MEDAG: variants seen among roughly 807,000 people sequenced by gnomAD.
The protein encoded by MEDAG is mesenteric estrogen dependent adipogenesis.
A neutral mutation model predicts 29.9 loss-of-function variants in MEDAG; 25 were observed. That is an observed-to-expected ratio of 0.84 (90% CI 0.61 to 1.17). The LOEUF is 1.17. Ranked by LOEUF, MEDAG falls within the 50% of genes most tolerant of loss-of-function variation. MEDAG has a pLI of 0.00. For missense variants in MEDAG, 398 were observed against 372.9 expected, an observed-to-expected ratio of 1.07 and a Z score of -0.56; for synonymous variants, 158 against 148.2, an observed-to-expected ratio of 1.07 and a Z score of -0.48.
rs999737739 is a variant in MEDAG at position 30,906,739 on chromosome 13, A to G, written c.224A>G (p.Asp75Gly). 1 of 1,513,800 alleles carries G rather than the reference A, an allele frequency of 6.6e-7. No individual in the cohort carries two copies. The highest frequency in any genetic ancestry group is 8.8e-7 in the Non-Finnish European group (1 of 1,140,562). The allele number at this position is 1,513,800 out of a possible 1,614,324, so 93.8% of individuals were successfully genotyped here. ...AARGGFNVFG[D>G]GLVRLDGQLY... is the part of the protein sequence containing the mutation. ...CGGGGGGGCTTCAACGTCTTCGGTG[A>G]CGGCCTCGTGCGCCTCGACGGGCAG... The change falls in exon 1 of 5, where the codon GAC (aspartate) becomes GGC (glycine). Residue 75 changes from aspartate to glycine, a missense_variant. Transcript: ENST00000380482.
At chr13:30,911,462 G>A (rs530730469) in intron 1 of MEDAG, among the ~76,000 whole-genome samples, 23 of 152,182 alleles carry the variant, frequency 1.5e-4, no homozygotes, top group African/African-American at 4.8e-4. Context: ...GCCTGCCTGC[G>A]TGCAGCCACC....
Position 30,906,699 on chromosome 13 carries a change from G to A in MEDAG, c.184G>A (p.Glu62Lys), listed in dbSNP as rs776372402. ...CCAGCTCGTGGTGGCCAGGCCCGGG[G>A]AGCCGGCGGCGGCGCGGGGGGGCTT... ...GDQLVVARPG[E>K]PAAARGGFNV... Residue 62 changes from glutamate to lysine, a missense_variant, in exon 1 of 5, where the codon GAG becomes AAG. By Grantham distance (56) the Glu-to-Lys change is moderately conservative. Transcript: ENST00000380482. 3 of 1,525,858 alleles carry A rather than the reference G, an allele frequency of 2.0e-6. No individual in the cohort carries two copies. Among genetic ancestry groups the A allele is most frequent in the South Asian group, 1.2e-5 (1 of 81,400 alleles). 94.5% of individuals were successfully genotyped at this position (1,525,858 alleles called of 1,614,324 possible).
intron 1 of MEDAG, among the ~76,000 whole-genome samples, chr13:30,910,077 C>T (rs150303015): frequency 1.5e-3 from 225 of 152,150 alleles, no homozygotes; most frequent in Non-Finnish European, 2.3e-3. Context: ...TCAGGATTTT[C>T]GCCCATGTTG....
chr13:30,921,892 AG>A (rs748625326), intron 4 of MEDAG, 46 bp downstream of exon 4: 7 of 1,529,414 alleles, frequency 4.6e-6, no homozygotes, highest in Non-Finnish European at 6.1e-6. Flanking sequence ...GTTAAATAAA[AG>A]GGTAGAGTAA....
chr13:30,911,394 C>A (rs1407995036), intron 1 of MEDAG, among the ~76,000 whole-genome samples: 1 of 152,076 alleles, frequency 6.6e-6, no homozygotes, highest in African/African-American at 2.4e-5. Context: ...GGACTTGCAG[C>A]CACACTTGGG....
chr13:30,914,160 G>A (rs1478774254), intron 1 of MEDAG, among the ~76,000 whole-genome samples: 1 of 152,158 alleles, frequency 6.6e-6, no homozygotes, highest in Admixed American at 6.5e-5. Context: ...TTAAATATCT[G>A]TGCACCTTAA....
chr13:30,906,912 G>A, intron 1 of MEDAG, 119 bp downstream of exon 1: 2 of 1,033,374 alleles, frequency 1.9e-6, no homozygotes, highest in Non-Finnish European at 2.6e-6. Context: ...GTGGCCCCTT[G>A]CTCCGTGCGC....
At chr13:30,921,933 AG>A in intron 4 of MEDAG, 87 bp downstream of exon 4, 6 of 1,361,386 alleles carry the variant, frequency 4.4e-6, no homozygotes, top group Non-Finnish European at 6.0e-6. Context: ...TTGATTCAAA[AG>A]GCAAGACCTA....
At position 30,924,364 on chromosome 13, in the gene MEDAG, G is replaced by C. The variant is rs771854199; in HGVS notation, c.841G>C (p.Glu281Gln). Residue 281 changes from glutamate (E) to glutamine (Q), a missense_variant, in exon 5 of 5, where the codon GAG becomes CAG. Glu to Gln is a conservative substitution (Grantham distance 29, BLOSUM62 2). Transcript: ENST00000380482. ...TCTGTCACCCAGATCATCTCTGACAGAGCCTCTTTTGGCAGAATTACCATT... is the reference window on the plus strand; with the variant it reads ...TCTGTCACCCAGATCATCTCTGACACAGCCTCTTTTGGCAGAATTACCATT... Reference protein sequence around the residue: ...CNLSPRSSLTEPLLAELPFPS... With the variant: ...CNLSPRSSLTQPLLAELPFPS... 6.8e-6 allele frequency: 11 copies of C among 1,614,040 alleles called. No homozygotes were observed. Among genetic ancestry groups the C allele is most frequent in the Non-Finnish European group, 9.3e-6 (11 of 1,179,964 alleles).
rs149352249 is a variant in MEDAG, at chr13:30,921,699, G to T, written c.640G>T (p.Val214Phe). ...CTATTGGTTTGGGCTCAGTAATTCCGTTGTAAAAGTAAATGGAAAAGTTCT... is the reference window on the plus strand; with the variant it reads ...CTATTGGTTTGGGCTCAGTAATTCCTTTGTAAAAGTAAATGGAAAAGTTCT... ...FFYWFGLSNS[V>F]VKVNGKVLNL... The change falls in exon 4 of 5, where the codon GTT (valine) becomes TTT (phenylalanine). Residue 214 changes from valine to phenylalanine, a missense_variant. Coordinates refer to ENST00000380482, the MANE Select transcript of MEDAG (RefSeq NM_032849.4). The T allele has an allele frequency of 6.2e-7, 1 of 1,613,922 alleles. No homozygotes were observed. Among genetic ancestry groups the T allele is most frequent in the Non-Finnish European group, 8.5e-7 (1 of 1,180,004 alleles).
At chr13:30,908,344 C>T (rs940251069) in intron 1 of MEDAG, among the ~76,000 whole-genome samples, 1 of 152,188 alleles carries the variant, frequency 6.6e-6, no homozygotes, top group East Asian at 1.9e-4. Flanking sequence ...ATAAGCAATA[C>T]TGTGAGGGCT....
At chr13:30,913,337 TC>T (rs1232166157) in intron 1 of MEDAG, among the ~76,000 whole-genome samples, 3 of 152,124 alleles carry the variant, frequency 2.0e-5, no homozygotes, top group Admixed American at 2.0e-4. Flanking sequence ...CACCTCAGCC[TC>T]CTGAGTTGCT....
rs376683172 is a variant in MEDAG at position 30,921,822 on chromosome 13, C to T, written c.763C>T (p.Arg255Ter). Residue 255 changes from arginine (R) to a stop codon, truncating the protein, a stop_gained, in exon 4 of 5, where the codon CGA (arginine) becomes TGA (stop). Transcript: ENST00000380482. LOFTEE classifies it high-confidence loss of function. ...AATCCGAAGGAGCAGTTTCTCTGAC[C>T]GAAAGTTCAGTGTAACTTCCAGAGG... is the stretch of plus-strand genomic sequence containing the variant. The part of the protein sequence containing the change: ...PLIRRSSFSD[R>*]KFSVTSRGSI... The T allele has an allele frequency of 1.1e-5, 18 of 1,608,180 alleles. No individual in the cohort carries two copies. Among genetic ancestry groups the T allele is most frequent in the East Asian group, 8.9e-5 (4 of 44,810 alleles).
intron 1 of MEDAG, among the ~76,000 whole-genome samples, chr13:30,912,046 G>A (rs1004380746): frequency 6.6e-6 from 1 of 152,112 alleles, no homozygotes; most frequent in South Asian, 2.1e-4. Flanking sequence ...TGTCCCCAGT[G>A]CCCAGCACAC....
In MEDAG at chr13:30,906,695, C is replaced by T. The variant is rs1006607551; in HGVS notation, c.180C>T (p.Pro60=). The T allele has an allele frequency of 1.0e-5, 16 of 1,526,808 alleles. No homozygotes were observed. The highest frequency in any genetic ancestry group is 1.9e-4 in the Middle Eastern group (1 of 5,200). The allele number at this position is 1,526,808 out of a possible 1,614,324, so 94.6% of individuals were successfully genotyped here. ...LSGDQLVVAR[P]GEPAAARGGF... ...GCGACCAGCTCGTGGTGGCCAGGCC[C>T]GGGGAGCCGGCGGCGGCGCGGGGGG... The change falls in exon 1 of 5, where the codon CCC becomes CCT. Residue 60 remains proline (P), a synonymous_variant. Coordinates refer to ENST00000380482, the MANE Select transcript of MEDAG (RefSeq NM_032849.4).
intron 1 of MEDAG, among the ~76,000 whole-genome samples, chr13:30,909,663 A>G (rs1952863559): frequency 6.6e-6 from 1 of 152,176 alleles, no homozygotes; most frequent in South Asian, 2.1e-4. Flanking sequence ...CTATTAATTA[A>G]TTAGTTCTTT....
In MEDAG at chr13:30,906,697, G is replaced by T; in HGVS notation, c.182G>T (p.Gly61Val). ...SGDQLVVARP[G>V]EPAAARGGFN... is the part of the protein sequence containing the mutation. ...GACCAGCTCGTGGTGGCCAGGCCCG[G>T]GGAGCCGGCGGCGGCGCGGGGGGGC... The change falls in exon 1 of 5, where the codon GGG (glycine) becomes GTG (valine). Residue 61 changes from glycine to valine, a missense_variant. By Grantham distance (109) the Gly-to-Val change is moderately radical. Transcript: ENST00000380482. The T allele has an allele frequency of 6.6e-7, 1 of 1,525,444 alleles. No homozygotes were observed. The highest frequency in any genetic ancestry group is 2.5e-5 in the East Asian group (1 of 40,712). The allele number at this position is 1,525,444 out of a possible 1,614,324, so 94.5% of individuals were successfully genotyped here. A position where few individuals can be genotyped will look rare whatever the true frequency, so the allele number is the denominator to read the frequency against.
intron 1 of MEDAG, among the ~76,000 whole-genome samples, chr13:30,914,672 T>C (rs1436145871): frequency 1.3e-5 from 2 of 152,158 alleles, no homozygotes; most frequent in East Asian, 3.8e-4. Context: ...CCAGTAGCAT[T>C]GAAAAAAGCC....
rs546045557 is a variant in MEDAG, at chr13:30,924,536, G to C, written c.*101G>C. On this transcript the variant is annotated 3_prime_UTR_variant, in exon 5 of 5. Transcript: ENST00000380482. ...GTGGGAGGCAGATACTTCCACCTGCGTGTCAATCTCCGGCTCCTCCATGGC... is the reference window on the plus strand; with the variant it reads ...GTGGGAGGCAGATACTTCCACCTGCCTGTCAATCTCCGGCTCCTCCATGGC... 2 of 1,249,626 alleles carry C rather than the reference G, an allele frequency of 1.6e-6. No homozygotes were observed. The highest frequency in any genetic ancestry group is 2.2e-6 in the Non-Finnish European group (2 of 907,494). 77.4% of individuals were successfully genotyped at this position (1,249,626 alleles called of 1,614,324 possible).
Sources: gnomAD v4.1 joint callset for allele counts (sites outside exome capture counted in the v4.1 genomes callset) on GRCh38, gnomAD v4.1.1 for gene constraint, MANE v1.5 for transcripts, NCBI Gene and HGNC (gene_info 2026-07-23, HGNC 2026-07-21) for gene names.